Variants in ATG4B observed in about 807,000 individuals in gnomAD.
ATG4B encodes the protein cysteine protease ATG4B.
Under a neutral mutation model 56.6 loss-of-function variants are expected in ATG4B, and 29 were observed. The observed-to-expected ratio is 0.51, with a 90% CI of 0.38 to 0.70. The LOEUF (loss-of-function observed/expected upper bound fraction) is 0.70. ATG4B is among the 30% of genes least tolerant of loss of function. ATG4B has a pLI of 0.00. For synonymous variants in ATG4B, 224 were observed against 206.1 expected, an observed-to-expected ratio of 1.09 and a Z score of -0.74; for missense variants, 461 against 515.5, an observed-to-expected ratio of 0.89 and a Z score of 1.02.
chr2:241,637,777 T>C, intron 1 of ATG4B, 53 bp downstream of exon 1: 1 of 1,533,226 alleles, frequency 6.5e-7, no homozygotes, highest in Non-Finnish European at 8.7e-7. Flanking sequence ...GCCTTATCAT[T>C]GGCCTCCCCT....
At chr2:241,646,415 A>G (rs1449442924) in intron 1 of ATG4B, among the ~76,000 whole-genome samples, 4 of 152,146 alleles carry the variant, frequency 2.6e-5, no homozygotes, top group Non-Finnish European at 5.9e-5. Context: ...ATTCAACAAT[A>G]TGGTCCTTTT....
chr2:241,651,875 T>C lies in ATG4B; in HGVS notation c.184+540T>C. 7.7e-7 allele frequency: 1 copy of C among 1,302,008 alleles called. No homozygotes were observed. Among genetic ancestry groups the C allele is most frequent in the East Asian group, 5.5e-5 (1 of 18,032 alleles). 80.7% of individuals were successfully genotyped at this position (1,302,008 alleles called of 1,614,324 possible). On this transcript the variant is annotated intron_variant, in intron 3 of 12. Coordinates refer to ENST00000404914, the MANE Select transcript of ATG4B (RefSeq NM_013325.5). The surrounding 1 kb of genome is among the most constrained non-coding windows in gnomAD (Gnocchi z 4.1). Reference sequence around the variant, plus strand: ...TTTTATGTAACACTAAGGTGCATTCTGTTAAAAGCCATTCATCATTGTTGT... The same window carrying C: ...TTTTATGTAACACTAAGGTGCATTCCGTTAAAAGCCATTCATCATTGTTGT...
intron 1 of ATG4B, among the ~76,000 whole-genome samples, chr2:241,640,672 T>A (rs1426972077): frequency 6.6e-6 from 1 of 152,158 alleles, no homozygotes; most frequent in African/African-American, 2.4e-5. Context: ...AGGATTGGAA[T>A]TGTAGCCAGG....
intron 6 of ATG4B, among the ~76,000 whole-genome samples, chr2:241,656,404 G>A (rs1220136142): frequency 6.6e-6 from 1 of 151,892 alleles, no homozygotes; most frequent in Non-Finnish European, 1.5e-5. Flanking sequence ...CCTACTGCAT[G>A]CCCTTCAGAG....
chr2:241,641,783 A>T (rs1415569091), intron 1 of ATG4B, among the ~76,000 whole-genome samples: 1 of 152,170 alleles, frequency 6.6e-6, no homozygotes, highest in African/African-American at 2.4e-5. Flanking sequence ...CAGGGTGTGA[A>T]TGTGGGTGGG....
chr2:241,663,238 A>G (rs2125138314), intron 7 of ATG4B, among the ~76,000 whole-genome samples: 1 of 152,324 alleles, frequency 6.6e-6, no homozygotes, highest in African/African-American at 2.4e-5. Context: ...GTCTCAAAAA[A>G]CCAAAACAAC....
chr2:241,668,643 G>A lies in ATG4B; in HGVS notation c.915G>A (p.Pro305=), dbSNP rs534411323. 8.2e-6 allele frequency: 13 copies of A among 1,583,790 alleles called. No homozygotes were observed. Among genetic ancestry groups the A allele is most frequent in the Admixed American group, 5.4e-5 (3 of 56,010 alleles). Residue 305 remains proline (P), a synonymous_variant, in exon 10 of 13, where the codon CCG becomes CCA. Coordinates refer to ENST00000404914, the MANE Select transcript of ATG4B (RefSeq NM_013325.5). This position sits in a 1 kb window ranked among gnomAD's most constrained non-coding sequence, Gnocchi z 4.2. ...PDESFHCQHP[P]CRMSIAELDP... ...AGAGCTTCCACTGCCAGCACCCGCC[G>A]TGCCGCATGAGCATCGCGGAGCTTG...
intron 1 of ATG4B, among the ~76,000 whole-genome samples, chr2:241,644,910 T>C (rs184608935): frequency 4.0e-5 from 6 of 151,276 alleles, no homozygotes; most frequent in Admixed American, 2.0e-4. Context: ...GATCGTGCCA[T>C]TGCACTCCAG....
Position 241,673,780 on chromosome 2 carries a change from T to G in ATG4B, c.*1516T>G. The G allele has an allele frequency of 2.2e-6, 1 of 454,446 alleles. No individual in the cohort carries two copies. The allele number at this position is 454,446 out of a possible 1,614,324, so 28.2% of individuals were successfully genotyped here. Reference sequence around the variant, plus strand: ...CTCGTGTGTTTTGAAAAAGGCTTAATGAAGAGAATGTTGTTCATTCTTAGT... The same window carrying G: ...CTCGTGTGTTTTGAAAAAGGCTTAAGGAAGAGAATGTTGTTCATTCTTAGT... On this transcript the variant is annotated 3_prime_UTR_variant, in exon 13 of 13. Coordinates refer to ENST00000404914, the MANE Select transcript of ATG4B (RefSeq NM_013325.5).
At chr2:241,664,217 T>TA (rs1393401710) in intron 7 of ATG4B, among the ~76,000 whole-genome samples, 7 of 152,262 alleles carry the variant, frequency 4.6e-5, no homozygotes, top group South Asian at 4.2e-4. Context: ...ATATATGTTT[T>TA]AAAAAAATCA....
At position 241,652,536 on chromosome 2, in the gene ATG4B, A is replaced by AT. The variant is rs553199132; in HGVS notation, c.185-969dup. ...ATAATTTTTTAAAATTATTACTTTC[A>AT]TTTTTTTAATAGATGGGGTTTCGCT... On this transcript the variant is annotated intron_variant, in intron 3 of 12. Coordinates refer to ENST00000404914, the MANE Select transcript of ATG4B (RefSeq NM_013325.5). Among the ~76,000 whole-genome samples, 5 of 152,174 alleles carry AT rather than the reference A, an allele frequency of 3.3e-5. No homozygotes were observed. In the South Asian group the frequency reaches 1.0e-3, roughly 32 times the overall value.
chr2:241,637,888 GT>G, intron 1 of ATG4B, 164 bp downstream of exon 1: 1 of 530,940 alleles, frequency 1.9e-6, no homozygotes, highest in Non-Finnish European at 2.8e-6. Context: ...GTGTTGGTGG[GT>G]GGTGGGCGGT....
At position 241,651,438 on chromosome 2, in the gene ATG4B, G is replaced by T; in HGVS notation, c.184+103G>T. 1 of 897,694 alleles carries T rather than the reference G, an allele frequency of 1.1e-6. No individual in the cohort carries two copies. The highest frequency in any genetic ancestry group is 1.6e-5 in the South Asian group (1 of 60,896). 55.6% of individuals were successfully genotyped at this position (897,694 alleles called of 1,614,324 possible). A position where few individuals can be genotyped will look rare whatever the true frequency, so the allele number is the denominator to read the frequency against. On this transcript the variant is annotated intron_variant, in intron 3 of 12. Coordinates refer to ENST00000404914, the MANE Select transcript of ATG4B (RefSeq NM_013325.5). This position sits in a 1 kb window ranked among gnomAD's most constrained non-coding sequence, Gnocchi z 4.1. ...CTTCAATATGCCACTGACTTCATTT[G>T]AATCTTCACAGCAATCCTGCTTAAC...
At chr2:241,649,615 A>G (rs759378048) in intron 1 of ATG4B, among the ~76,000 whole-genome samples, 13 of 152,180 alleles carry the variant, frequency 8.5e-5, no homozygotes, top group South Asian at 2.1e-4. Context: ...AGAATACGCA[A>G]TGGGCATCTC....
rs1374368689 is a variant in ATG4B, at chr2:241,668,807, C to T, written c.957+122C>T. On this transcript the variant is annotated intron_variant, in intron 10 of 12. Transcript: ENST00000404914. The surrounding 1 kb of genome is among the most constrained non-coding windows in gnomAD (Gnocchi z 4.2). ...CATGTTGGGATAAGTACTGTGTTCA[C>T]GTGGTTGGGAATCTGAAGGGTATAA... is the stretch of plus-strand genomic sequence containing the variant. 22 of 1,403,338 alleles carry T rather than the reference C, an allele frequency of 1.6e-5. No individual in the cohort carries two copies. Among genetic ancestry groups the T allele is most frequent in the Middle Eastern group, 2.5e-4 (1 of 4,068 alleles). The allele number at this position is 1,403,338 out of a possible 1,614,324, so 86.9% of individuals were successfully genotyped here.
In ATG4B at chr2:241,668,756, T is replaced by G. The variant is rs2068859146; in HGVS notation, c.957+71T>G. The G allele has an allele frequency of 6.6e-7, 1 of 1,506,328 alleles. No homozygotes were observed. 93.3% of individuals were successfully genotyped at this position (1,506,328 alleles called of 1,614,324 possible). A position where few individuals can be genotyped will look rare whatever the true frequency, so the allele number is the denominator to read the frequency against. On this transcript the variant is annotated intron_variant, in intron 10 of 12. Coordinates refer to ENST00000404914, the MANE Select transcript of ATG4B (RefSeq NM_013325.5). The surrounding 1 kb of genome is among the most constrained non-coding windows in gnomAD (Gnocchi z 4.2). The stretch of plus-strand genomic sequence containing the variant: ...TGTTTGGGAATGACGAGGAAAACTT[T>G]CGGATTTTTGCGTTTTTTTTTTCAG...
Position 241,668,566 on chromosome 2 carries a change from C to A in ATG4B, c.838C>A (p.His280Asn). 6.2e-7 allele frequency: 1 copy of A among 1,609,706 alleles called. No homozygotes were observed. The highest frequency in any genetic ancestry group is 8.5e-7 in the Non-Finnish European group (1 of 1,179,142). The change falls in exon 10 of 13, where the codon CAC (histidine) becomes AAC (asparagine). Residue 280 changes from histidine to asparagine, a missense_variant. Transcript: ENST00000404914. The surrounding 1 kb of genome is among the most constrained non-coding windows in gnomAD (Gnocchi z 4.2). Reference protein sequence around the residue: ...VGEELIYLDPHTTQPAVEPTD... With the variant: ...VGEELIYLDPNTTQPAVEPTD... ...TGAGGAGCTCATCTACCTGGACCCCCACACCACGCAGCCAGCCGTGGAGCC... is the reference window on the plus strand; with the variant it reads ...TGAGGAGCTCATCTACCTGGACCCCAACACCACGCAGCCAGCCGTGGAGCC...
chr2:241,671,504 G>A, intron 12 of ATG4B, 99 bp downstream of exon 12: 2 of 1,556,040 alleles, frequency 1.3e-6, no homozygotes, highest in African/African-American at 2.7e-5. Flanking sequence ...TAAGGTGTGT[G>A]TGAGCCTGAG....
In ATG4B at chr2:241,671,955, T is replaced by C. The variant is rs1033326676; in HGVS notation, c.1109-236T>C. 5.0e-6 allele frequency: 7 copies of C among 1,399,366 alleles called. No homozygotes were observed. The Admixed American group carries it at 1.2e-4, about 25-fold the overall frequency. The allele number at this position is 1,399,366 out of a possible 1,614,324, so 86.7% of individuals were successfully genotyped here. A position where few individuals can be genotyped will look rare whatever the true frequency, so the allele number is the denominator to read the frequency against. The stretch of plus-strand genomic sequence containing the variant: ...ACGCGGGACAGAGGCCCCTCAGGCC[T>C]GAGATTGTGCCGGCCGCCCCCTGCC... On this transcript the variant is annotated intron_variant, in intron 12 of 12. Coordinates refer to ENST00000404914, the MANE Select transcript of ATG4B (RefSeq NM_013325.5).
Sources: allele counts gnomAD v4.1 joint callset (sites outside exome capture counted in the v4.1 genomes callset), GRCh38; gene constraint gnomAD v4.1.1; non-coding constraint Gnocchi (gnomAD v3.1); transcripts MANE v1.5; gene names NCBI Gene and HGNC (gene_info 2026-07-23, HGNC 2026-07-21).